The following RAB3GAP2 variants were observed in gnomAD, a reference collection of about 807,000 sequenced individuals.
The protein encoded by RAB3GAP2 is rab3 GTPase-activating protein non-catalytic subunit.
In RAB3GAP2, 87 loss-of-function variants were observed where a neutral mutation model predicts 185.3. The observed-to-expected ratio is 0.47, with a 90% confidence interval of 0.39 to 0.56. The LOEUF is 0.56. Among genes scored for constraint, RAB3GAP2 ranks in the 20% least tolerant of loss-of-function variants. The probability of loss-of-function intolerance (pLI) is 0.00; values close to 1 mark genes in which losing one functional copy is unlikely to be tolerated. For missense variants in RAB3GAP2, 1,492 were observed against 1,638.2 expected (o/e 0.91, Z 1.54); for synonymous variants, 554 against 576.1 (o/e 0.96, Z 0.55).
rs1658202265 is a variant in RAB3GAP2 at position 220,172,684 on chromosome 1, G to A, written c.2369C>T (p.Ser790Leu). The A allele has an allele frequency of 1.2e-6, 2 of 1,613,224 alleles. No individual in the cohort carries two copies. Among genetic ancestry groups the A allele is most frequent in the African/African-American group, 1.3e-5 (1 of 74,902 alleles). Reference protein sequence around the residue: ...KEKDILDKPQSICCLHTMLSL... With the variant: ...KEKDILDKPQLICCLHTMLSL... ...CAGCATGGTATGAAGACAGCAGATT[G>A]ACTGTGGTTTATCCAAAATATCCTT... is the stretch of plus-strand genomic sequence containing the variant. Residue 790 changes from serine (S) to leucine (L), a missense_variant, in exon 22 of 35, where the codon TCA (serine) becomes TTA (leucine). Coordinates refer to ENST00000358951, the MANE Select transcript of RAB3GAP2 (RefSeq NM_012414.4).
At chr1:220,161,528 T>C (rs1223179372) in intron 28 of RAB3GAP2, among the ~76,000 whole-genome samples, 1 of 152,188 alleles carries the variant, frequency 6.6e-6, no homozygotes, top group African/African-American at 2.4e-5. Context: ...GCTTATATGT[T>C]ATGCTTGTTC....
chr1:220,180,152 C>T (rs1658374252), intron 21 of RAB3GAP2, among the ~76,000 whole-genome samples: 1 of 151,596 alleles, frequency 6.6e-6, no homozygotes, highest in Non-Finnish European at 1.5e-5. Flanking sequence ...CAGAGTGAGA[C>T]TACGTCTCAA....
At chr1:220,159,620 G>A (rs559087489) in intron 28 of RAB3GAP2, among the ~76,000 whole-genome samples, 199 bp from the exon 29 acceptor site, 1 of 152,174 alleles carries the variant, frequency 6.6e-6, no homozygotes, top group South Asian at 2.1e-4. Context: ...TCTCACACTG[G>A]GCTCAAGAAT....
chr1:220,183,031 A>C, intron 19 of RAB3GAP2, 100 bp from the exon 20 acceptor site: 11 of 879,336 alleles, frequency 1.3e-5, no homozygotes, highest in Admixed American at 2.0e-5. Context: ...CTTTTTAATT[A>C]ATATAATACC....
intron 18 of RAB3GAP2, among the ~76,000 whole-genome samples, chr1:220,185,011 C>T (rs1382239229): frequency 6.6e-6 from 1 of 151,938 alleles, no homozygotes; most frequent in African/African-American, 2.4e-5. Context: ...ACAACTAAAA[C>T]ACAAAGCTGG....
chr1:220,214,946 T>TTTTATA (rs1491243072), intron 2 of RAB3GAP2, among the ~76,000 whole-genome samples: 2 of 89,620 alleles, frequency 2.2e-5, no homozygotes, highest in African/African-American at 4.8e-5. Context: ...AATAGTAGCA[T>TTTTATA]TATATATATA....
Position 220,190,408 on chromosome 1 carries a change from T to C in RAB3GAP2, c.1600A>G (p.Thr534Ala), listed in dbSNP as rs886046021. ...LVDPVSGSVKTVNVPFHLALS... is the reference protein window; with the variant it reads ...LVDPVSGSVKAVNVPFHLALS... Reference sequence around the variant, plus strand: ...GCTAAATGGAAGGGAACGTTCACTGTTTTCACACTTCCAGACACTGGATCA... The same window carrying C: ...GCTAAATGGAAGGGAACGTTCACTGCTTTCACACTTCCAGACACTGGATCA... The change falls in exon 15 of 35, where the codon ACA (threonine) becomes GCA (alanine). Residue 534 changes from threonine (T) to alanine (A), a missense_variant. Around this residue, in one of 5 missense-constraint regions of RAB3GAP2, gnomAD observed 681 missense variants for 689.1 expected, o/e 0.99. Coordinates refer to ENST00000358951, the MANE Select transcript of RAB3GAP2 (RefSeq NM_012414.4). 1 of 1,614,110 alleles carries C rather than the reference T, an allele frequency of 6.2e-7. No homozygotes were observed. Among genetic ancestry groups the C allele is most frequent in the South Asian group, 1.1e-5 (1 of 91,074 alleles).
At chr1:220,221,503 T>C (rs1210472042) in intron 2 of RAB3GAP2, among the ~76,000 whole-genome samples, 1 of 152,212 alleles carries the variant, frequency 6.6e-6, no homozygotes, top group East Asian at 1.9e-4. Context: ...AACTTGCTTT[T>C]ATAAAGGCAA....
chr1:220,202,525 C>A, intron 8 of RAB3GAP2, 151 bp from the exon 9 acceptor site: 1 of 788,274 alleles, frequency 1.3e-6, no homozygotes, highest in Non-Finnish European at 2.0e-6. Context: ...GAGATTTATT[C>A]ACACCAAGAC....
Position 220,182,745 on chromosome 1 carries a change from T to C in RAB3GAP2, c.2185A>G (p.Ile729Val). 2 of 1,606,960 alleles carry C rather than the reference T, an allele frequency of 1.2e-6. No individual in the cohort carries two copies. The highest frequency in any genetic ancestry group is 1.7e-5 in the Admixed American group (1 of 59,378). Residue 729 changes from isoleucine to valine, a missense_variant, in exon 20 of 35, where the codon ATA (isoleucine) becomes GTA (valine). Physicochemically the swap from Ile to Val is conservative, Grantham distance 29 (BLOSUM62 3). Around this residue, in one of 5 missense-constraint regions of RAB3GAP2, gnomAD observed 681 missense variants for 689.1 expected, o/e 0.99. Coordinates refer to ENST00000358951, the MANE Select transcript of RAB3GAP2 (RefSeq NM_012414.4). ...YEKDVLNIKK[I>V]SEEEYVALGS... ...AAAGCCACATATTCCTCTTCACTTA[T>C]TTTCTTTATGTTGAGCACATCCTTT...
At chr1:220,210,586 C>T (rs1257158155) in intron 6 of RAB3GAP2, 97 bp from the exon 7 acceptor site, 1 of 1,043,688 alleles carries the variant, frequency 9.6e-7, no homozygotes, top group African/African-American at 1.6e-5. Flanking sequence ...CAACAGTTTT[C>T]CAGAGATACC....
intron 1 of RAB3GAP2, among the ~76,000 whole-genome samples, chr1:220,255,689 A>G (rs1660022302): frequency 6.6e-6 from 1 of 152,200 alleles, no homozygotes; most frequent in Admixed American, 6.5e-5. Context: ...TCAGACCTTG[A>G]AGACTATCTT....
intron 1 of RAB3GAP2, among the ~76,000 whole-genome samples, chr1:220,257,541 C>T (rs904643483): frequency 3.3e-5 from 5 of 152,118 alleles, no homozygotes; most frequent in African/African-American, 1.2e-4. Flanking sequence ...AACAAAGAGA[C>T]ACTGTACCAG....
chr1:220,252,057 G>A (rs914744254), intron 1 of RAB3GAP2, among the ~76,000 whole-genome samples: 1 of 150,896 alleles, frequency 6.6e-6, no homozygotes. Context: ...GGAGGCTAAG[G>A]CAGCAGCAGG....
intron 24 of RAB3GAP2, 27 bp downstream of exon 24, chr1:220,170,865 C>T (rs775234943): frequency 2.6e-6 from 4 of 1,565,814 alleles, no homozygotes; most frequent in Non-Finnish European, 3.5e-6. Context: ...AAAATGGATG[C>T]AAATGCTCAA....
intron 1 of RAB3GAP2, among the ~76,000 whole-genome samples, chr1:220,261,263 A>ATT (rs1660132988): frequency 6.6e-6 from 1 of 152,150 alleles, no homozygotes; most frequent in African/African-American, 2.4e-5. Context: ...GAGTTTCAAG[A>ATT]ATTCTTCTCT....
chr1:220,248,609 G>A (rs966777842), intron 1 of RAB3GAP2, among the ~76,000 whole-genome samples: 6 of 144,360 alleles, frequency 4.2e-5, no homozygotes, highest in African/African-American at 1.4e-4. Flanking sequence ...TATAAATTTG[G>A]TTTGGTTTTT....
rs760799209 is a variant in RAB3GAP2, at chr1:220,149,852, ATTTG to A, written c.*1395_*1398del. 6.6e-6 allele frequency: 1 copy of A among 152,184 alleles called. No individual in the cohort carries two copies. Among genetic ancestry groups the A allele is most frequent in the Non-Finnish European group, 1.5e-5 (1 of 68,024 alleles). The allele number at this position is 152,184 out of a possible 1,614,324, so 9.4% of individuals were successfully genotyped here. On this transcript the variant is annotated 3_prime_UTR_variant, in exon 35 of 35. Transcript: ENST00000358951. ...TGTGCTCTTTTAGCTCAAAAAACAGATTTGTTTTTCTTTTTATATCCCTGAAGGA... is the reference window on the plus strand; with the variant it reads ...TGTGCTCTTTTAGCTCAAAAAACAGATTTTTCTTTTTATATCCCTGAAGGA...
chr1:220,266,983 A>G (rs746774515), intron 1 of RAB3GAP2: 17 of 1,610,088 alleles, frequency 1.1e-5, no homozygotes, highest in African/African-American at 2.7e-5. Context: ...AAGGCTCCAG[A>G]GATCCACCTT....
Sources: gnomAD v4.1 joint callset for allele counts (sites outside exome capture counted in the v4.1 genomes callset) on GRCh38, gnomAD v4.1.1 for gene constraint, gnomAD v4.1.1 regional missense constraint, MANE v1.5 for transcripts, NCBI Gene and HGNC (gene_info 2026-07-23, HGNC 2026-07-21) for gene names.